Variants in PPP1R21 observed in about 807,000 individuals in gnomAD.
PPP1R21 encodes the protein KLRAQ motif containing 1.
PPP1R21 carries 85 observed loss-of-function variants against 112.8 expected under a neutral mutation model. The observed-to-expected ratio is 0.75, with a 90% CI of 0.63 to 0.90. PPP1R21 has a LOEUF of 0.90. Ranked by LOEUF, PPP1R21 falls within the 40% of genes least tolerant of loss-of-function variation. The probability of loss-of-function intolerance (pLI) is 0.00; values close to 1 mark genes in which losing one functional copy is unlikely to be tolerated. For missense variants in PPP1R21, 1,199 were observed against 901.5 expected, an observed-to-expected ratio of 1.33 and a Z score of -4.23; for synonymous variants, 381 against 322.3, an observed-to-expected ratio of 1.18 and a Z score of -1.95.
chr2:48,440,891 T>G lies in PPP1R21; in HGVS notation c.-63T>G. On this transcript the variant is annotated 5_prime_UTR_variant, in exon 1 of 22. Transcript: ENST00000294952. ...ACCCGTTCCCGGGAGCGTGTCTGGG[T>G]TTGGGGGCGGGAGACAGGCTGAGCC... 1.9e-5 allele frequency: 23 copies of G among 1,193,064 alleles called. No homozygotes were observed. The highest frequency in any genetic ancestry group is 2.6e-5 in the Non-Finnish European group (21 of 821,906). The allele number at this position is 1,193,064 out of a possible 1,614,324, so 73.9% of individuals were successfully genotyped here.
At chr2:48,458,079 C>G in intron 3 of PPP1R21, 47 bp from the exon 4 acceptor site, 1 of 1,265,216 alleles carries the variant, frequency 7.9e-7, no homozygotes, top group Non-Finnish European at 1.2e-6. Flanking sequence ...TAGGATGTTT[C>G]TCTAAAGGAT....
At chr2:48,503,980 A>C (rs1175575740) in intron 17 of PPP1R21, among the ~76,000 whole-genome samples, 1 of 151,282 alleles carries the variant, frequency 6.6e-6, no homozygotes, top group South Asian at 2.1e-4. Flanking sequence ...TTTTCCTTGC[A>C]TTTATACAGT....
intron 16 of PPP1R21, among the ~76,000 whole-genome samples, chr2:48,496,554 G>C (rs1325456349): frequency 6.6e-6 from 1 of 150,804 alleles, no homozygotes; most frequent in Non-Finnish European, 1.5e-5. Context: ...TGCAACCTCT[G>C]CCTCCTGGGT....
intron 13 of PPP1R21, among the ~76,000 whole-genome samples, chr2:48,485,027 C>CA (rs200872052): frequency 2.4e-4 from 3 of 12,722 alleles, no homozygotes; most frequent in African/African-American, 7.4e-4. Flanking sequence ...TAGGGATGAG[C>CA]AATTCAGTAT....
At chr2:48,500,541 CA>C (rs1390524844) in intron 17 of PPP1R21, among the ~76,000 whole-genome samples, 1 of 151,898 alleles carries the variant, frequency 6.6e-6, no homozygotes, top group African/African-American at 2.4e-5. Context: ...AAAATAATAA[CA>C]ATTTAAAAAT....
chr2:48,489,815 G>A (rs1423168907), intron 14 of PPP1R21, among the ~76,000 whole-genome samples: 1 of 151,998 alleles, frequency 6.6e-6, no homozygotes, highest in East Asian at 1.9e-4. Context: ...GGAGGCTGAG[G>A]CGGGAGGATC....
At chr2:48,464,795 A>G (rs1668126710) in intron 7 of PPP1R21, 142 bp from the exon 8 acceptor site, 1 of 553,286 alleles carries the variant, frequency 1.8e-6, no homozygotes, top group Non-Finnish European at 3.1e-6. Flanking sequence ...TTCTATGTAA[A>G]TTCCATTATT....
At chr2:48,506,153 G>T (rs1183378875) in intron 18 of PPP1R21, among the ~76,000 whole-genome samples, 1 of 152,174 alleles carries the variant, frequency 6.6e-6, no homozygotes, top group Non-Finnish European at 1.5e-5. Context: ...GAAGTGCAGT[G>T]GCATGATCTC....
Position 48,461,194 on chromosome 2 carries a change from T to C in PPP1R21, c.656T>C (p.Leu219Ser), listed in dbSNP as rs1422953925. The C allele has an allele frequency of 6.3e-7, 1 of 1,582,426 alleles. No individual in the cohort carries two copies. Among genetic ancestry groups the C allele is most frequent in the Non-Finnish European group, 8.5e-7 (1 of 1,170,240 alleles). ...TTGTCAGGTAGATTAGAGGAATCCT[T>C]ATCAATCATCAATGAAAAAGTACCT... is the stretch of plus-strand genomic sequence containing the variant. Reference protein sequence around the residue: ...EDLSGRLEESLSIINEKVPFN... With the variant: ...EDLSGRLEESSSIINEKVPFN... Residue 219 changes from leucine to serine, a missense_variant, in exon 7 of 22, where the codon TTA becomes TCA. Transcript: ENST00000294952.
intron 13 of PPP1R21, among the ~76,000 whole-genome samples, chr2:48,483,463 G>A (rs892667644): frequency 8.5e-5 from 13 of 152,078 alleles, no homozygotes; most frequent in Admixed American, 5.2e-4. Context: ...GATTATAGGC[G>A]TGAGCCACTG....
In PPP1R21 at chr2:48,460,102, C is replaced by T; in HGVS notation, c.548C>T (p.Ser183Phe). The change falls in exon 6 of 22, where the codon TCT (serine) becomes TTT (phenylalanine). Residue 183 changes from serine (S) to phenylalanine (F), a missense_variant. Transcript: ENST00000294952. ...QNDKAKLEVK[S>F]QTLEKEAKEC... ...TTTTCTTCTGAAATTCAGGTGAAAT[C>T]TCAGACTCTAGAAAAGGAAGCCAAG... 6.2e-7 allele frequency: 1 copy of T among 1,614,092 alleles called. No individual in the cohort carries two copies. Among genetic ancestry groups the T allele is most frequent in the South Asian group, 1.1e-5 (1 of 91,072 alleles).
chr2:48,454,296 T>TAAATC (rs1314765573), intron 2 of PPP1R21, among the ~76,000 whole-genome samples: 3 of 147,162 alleles, frequency 2.0e-5, no homozygotes, highest in Non-Finnish European at 3.1e-5. Context: ...ATAAATCAAA[T>TAAATC]AAGTTTATAA....
chr2:48,502,741 T>C (rs1466390674), intron 17 of PPP1R21, among the ~76,000 whole-genome samples: 3 of 143,548 alleles, frequency 2.1e-5, no homozygotes, highest in Middle Eastern at 3.6e-3. Context: ...AGTGCAGTGG[T>C]GCGATCTCCA....
Position 48,441,159 on chromosome 2 carries a change from G to T in PPP1R21, c.57+149G>T, listed in dbSNP as rs186864267. On this transcript the variant is annotated intron_variant, in intron 1 of 21. Coordinates refer to ENST00000294952, the MANE Select transcript of PPP1R21 (RefSeq NM_001135629.3). ...TCAGCCGTCTCCGTCCACCATTACG[G>T]TGCCTCCACCTGCAGCTCCCAGGAG... is the stretch of plus-strand genomic sequence containing the variant. 60 of 658,314 alleles carry T rather than the reference G, an allele frequency of 9.1e-5. No individual in the cohort carries two copies. In the African/African-American group the frequency reaches 9.5e-4, roughly 10 times the overall value. The allele number at this position is 658,314 out of a possible 1,614,324, so 40.8% of individuals were successfully genotyped here.
rs541601973 is a variant in PPP1R21, at chr2:48,457,737, G to A, written c.274-389G>A. On this transcript the variant is annotated intron_variant, in intron 3 of 21. Transcript: ENST00000294952. ...ATTTCTTATGGAGTTTAACAACTCCGACTCATGAAATTGCTATAACTCTCA... is the reference window on the plus strand; with the variant it reads ...ATTTCTTATGGAGTTTAACAACTCCAACTCATGAAATTGCTATAACTCTCA... Among the ~76,000 whole-genome samples the A allele has an allele frequency of 9.2e-5, 14 of 152,160 alleles. No individual in the cohort carries two copies. The South Asian group carries it at 2.1e-3, about 23-fold the overall frequency.
chr2:48,507,749 CTTTTTTT>C (rs34546075), intron 19 of PPP1R21, among the ~76,000 whole-genome samples: 4 of 42,392 alleles, frequency 9.4e-5, no homozygotes, highest in African/African-American at 2.0e-4. Flanking sequence ...GAGGCTCTGC[CTTTTTTT>C]TTTTTTTTTT....
chr2:48,509,922 G>T, intron 19 of PPP1R21, 93 bp from the exon 20 acceptor site: 1 of 734,662 alleles, frequency 1.4e-6, no homozygotes, highest in Non-Finnish European at 2.3e-6. Flanking sequence ...GAGTAGCTTT[G>T]GCTTTGAGAA....
At chr2:48,450,493 C>T (rs1459469872) in intron 1 of PPP1R21, among the ~76,000 whole-genome samples, 1 of 152,178 alleles carries the variant, frequency 6.6e-6, no homozygotes, top group Non-Finnish European at 1.5e-5. Flanking sequence ...ATGCCCGAGG[C>T]CATTGTTGAT....
At chr2:48,499,934 A>G (rs1670032197) in intron 17 of PPP1R21, among the ~76,000 whole-genome samples, 1 of 152,116 alleles carries the variant, frequency 6.6e-6, no homozygotes, top group Non-Finnish European at 1.5e-5. Context: ...TTTTAGGTGT[A>G]TTTTTTTTAA....
Sources: gnomAD v4.1 joint callset for allele counts (sites outside exome capture counted in the v4.1 genomes callset) on GRCh38, gnomAD v4.1.1 for gene constraint, MANE v1.5 for transcripts, NCBI Gene and HGNC (gene_info 2026-07-23, HGNC 2026-07-21) for gene names.